Variants in AKT3 observed in about 807,000 individuals in gnomAD.
The protein encoded by AKT3 is RAC-gamma serine/threonine-protein kinase.
In AKT3, 15 loss-of-function variants were observed where a neutral mutation model predicts 65.3. That is an observed-to-expected ratio of 0.23 (90% CI 0.15 to 0.35). The LOEUF (loss-of-function observed/expected upper bound fraction) is 0.35. AKT3 is among the 10% of genes least tolerant of loss of function. The pLI, the probability that AKT3 is intolerant of heterozygous loss-of-function variation, is 1.00. For synonymous variants in AKT3, 206 were observed against 183.8 expected (o/e 1.12, Z -0.98); for missense variants, 243 against 576.5 (o/e 0.42, Z 5.92).
At chr1:243,688,292 A>G (rs889986581) in intron 3 of AKT3, among the ~76,000 whole-genome samples, 3 of 152,128 alleles carry the variant, frequency 2.0e-5, no homozygotes, top group African/African-American at 7.2e-5. Context: ...TCAAAAAGAA[A>G]ATGTATAGAA....
intron 2 of AKT3, among the ~76,000 whole-genome samples, chr1:243,836,910 CAA>C (rs779727098): frequency 2.6e-4 from 15 of 56,902 alleles, no homozygotes; most frequent in Admixed American, 1.8e-4. Flanking sequence ...GACTCCATCT[CAA>C]AAAAAAAAAA....
chr1:243,775,698 G>A (rs1271581441), intron 2 of AKT3, among the ~76,000 whole-genome samples: 5 of 152,022 alleles, frequency 3.3e-5, no homozygotes, highest in Non-Finnish European at 4.4e-5. Context: ...TAAATCCAAA[G>A]GCTAGAGAAC....
chr1:243,520,042 A>G (rs546930948), intron 12 of AKT3, among the ~76,000 whole-genome samples: 51 of 152,324 alleles, frequency 3.3e-4, no homozygotes, highest in Non-Finnish European at 6.3e-4. Flanking sequence ...CAGCTGAACA[A>G]ATTTCAAATA....
At chr1:243,727,302 T>C (rs1024922722) in intron 2 of AKT3, among the ~76,000 whole-genome samples, 6 of 152,206 alleles carry the variant, frequency 3.9e-5, no homozygotes, top group African/African-American at 9.6e-5. Flanking sequence ...GATTGATTGA[T>C]TGATTGATTG....
chr1:243,621,809 C>CA (rs1553417248), intron 6 of AKT3, among the ~76,000 whole-genome samples: 1 of 151,930 alleles, frequency 6.6e-6, no homozygotes, highest in Admixed American at 6.6e-5. Flanking sequence ...TCTCCAACTC[C>CA]TTTTTTTTCC....
chr1:243,489,198 C>CT, intron 13 of AKT3: 1 of 1,591,888 alleles, frequency 6.3e-7, no homozygotes, highest in South Asian at 1.1e-5. Flanking sequence ...ACAGGTGGAT[C>CT]TTTTATGCAC....
intron 8 of AKT3, among the ~76,000 whole-genome samples, chr1:243,608,654 C>T (rs926916256): frequency 1.3e-5 from 2 of 150,114 alleles, no homozygotes; most frequent in African/African-American, 4.9e-5. Flanking sequence ...GAATTGTTTA[C>T]GTGTGTTTAT....
intron 2 of AKT3, among the ~76,000 whole-genome samples, chr1:243,715,660 T>C (rs562352841): frequency 4.2e-4 from 64 of 152,204 alleles, no homozygotes; most frequent in South Asian, 1.4e-3. Context: ...CATTACATAA[T>C]AACTCTTCTT....
At chr1:243,599,638 CTAAGAT>C (rs1676869427) in intron 8 of AKT3, among the ~76,000 whole-genome samples, 1 of 152,094 alleles carries the variant, frequency 6.6e-6, no homozygotes, top group Non-Finnish European at 1.5e-5. Context: ...GCTAATCAAA[CTAAGAT>C]TATTTAAACT....
At chr1:243,662,032 C>T (rs1682388671) in intron 4 of AKT3, among the ~76,000 whole-genome samples, 4 of 144,346 alleles carry the variant, frequency 2.8e-5, no homozygotes, top group Admixed American at 7.0e-5. Flanking sequence ...GTTAGAATGG[C>T]AATCATTAAA....
rs578048698 is a variant in AKT3 at position 243,821,198 on chromosome 1, T to A, written c.46+21927A>T. ...CCAAACTAAGCTTCATAGGCTTAGT[T>A]TGGAAAAATAAAATCCTTTTCACAA... is the stretch of plus-strand genomic sequence containing the variant. On this transcript the variant is annotated intron_variant, in intron 2 of 13. Coordinates refer to ENST00000673466, the MANE Select transcript of AKT3 (RefSeq NM_005465.7). Among the ~76,000 whole-genome samples the A allele has an allele frequency of 5.3e-5, 8 of 152,066 alleles. 1 individual carries two copies. In the South Asian group the frequency reaches 1.7e-3, roughly 32 times the overall value.
chr1:243,689,265 A>T (rs1684534263), intron 3 of AKT3, among the ~76,000 whole-genome samples: 1 of 152,122 alleles, frequency 6.6e-6, no homozygotes, highest in Non-Finnish European at 1.5e-5. Context: ...ATGATCTCTC[A>T]TAATTCATGT....
rs1669568692 is a variant in AKT3 at position 243,504,909 on chromosome 1, T to C, written c.*340A>G. On this transcript the variant is annotated 3_prime_UTR_variant, in exon 14 of 14. Transcript: ENST00000673466. Reference sequence around the variant, plus strand: ...CTTCACTGAGGGAAAAACTAAAAGATCAAAAGATGATAATTGGTGCACAAA... The same window carrying C: ...CTTCACTGAGGGAAAAACTAAAAGACCAAAAGATGATAATTGGTGCACAAA... The C allele has an allele frequency of 3.6e-6, 1 of 276,974 alleles. No individual in the cohort carries two copies. Among genetic ancestry groups the C allele is most frequent in the African/African-American group, 2.2e-5 (1 of 46,508 alleles). The allele number at this position is 276,974 out of a possible 1,614,324, so 17.2% of individuals were successfully genotyped here. A position where few individuals can be genotyped will look rare whatever the true frequency, so the allele number is the denominator to read the frequency against.
chr1:243,805,188 T>G (rs1244277205), intron 2 of AKT3, among the ~76,000 whole-genome samples: 1 of 152,084 alleles, frequency 6.6e-6, no homozygotes, highest in Admixed American at 6.6e-5. Flanking sequence ...ATTCCCTCTT[T>G]TTTCCTCTTC....
chr1:243,744,950 A>G (rs1572266062), intron 2 of AKT3, among the ~76,000 whole-genome samples: 1 of 152,002 alleles, frequency 6.6e-6, no homozygotes, highest in Non-Finnish European at 1.5e-5. Context: ...AATTGTTTTA[A>G]TTTCTCAAAA....
chr1:243,610,626 T>C (rs1677800253), intron 8 of AKT3, among the ~76,000 whole-genome samples: 1 of 152,224 alleles, frequency 6.6e-6, no homozygotes, highest in Non-Finnish European at 1.5e-5. Flanking sequence ...TACATGTATG[T>C]GGCACAAAAC....
chr1:243,501,598 A>G lies in AKT3; in HGVS notation c.*3651T>C, dbSNP rs561325233. 8.3e-5 allele frequency: 19 copies of G among 229,722 alleles called. No homozygotes were observed. The East Asian group carries it at 1.0e-3, about 13-fold the overall frequency. 14.2% of individuals were successfully genotyped at this position (229,722 alleles called of 1,614,324 possible). On this transcript the variant is annotated 3_prime_UTR_variant, in exon 14 of 14. Transcript: ENST00000673466. ...TTCACTGAAGTAAAAATGATCCCCTATGTGTGTGTGTGTGAGCTACAAGGA... is the reference window on the plus strand; with the variant it reads ...TTCACTGAAGTAAAAATGATCCCCTGTGTGTGTGTGTGTGAGCTACAAGGA...
chr1:243,747,483 T>G (rs943805652), intron 2 of AKT3, among the ~76,000 whole-genome samples: 6 of 152,216 alleles, frequency 3.9e-5, no homozygotes, highest in Non-Finnish European at 7.3e-5. Flanking sequence ...ACATTGCCAT[T>G]GCTGCTAAGT....
intron 3 of AKT3, among the ~76,000 whole-genome samples, chr1:243,682,578 G>C (rs1266505349): frequency 6.6e-6 from 1 of 152,100 alleles, no homozygotes; most frequent in Admixed American, 6.6e-5. Context: ...GACATGATTA[G>C]GGCATTCTGC....
Sources: allele counts gnomAD v4.1 joint callset (sites outside exome capture counted in the v4.1 genomes callset), GRCh38; gene constraint gnomAD v4.1.1; transcripts MANE v1.5; gene names NCBI Gene and HGNC (gene_info 2026-07-23, HGNC 2026-07-21).